Variants in SLC24A2 observed in about 807,000 individuals in gnomAD.
SLC24A2 encodes the protein sodium/potassium/calcium exchanger 2.
SLC24A2 carries 36 observed loss-of-function variants against 62.0 expected under a neutral mutation model. The observed-to-expected ratio is 0.58, with a 90% CI of 0.44 to 0.77. The LOEUF is 0.77. SLC24A2 is among the 30% of genes least tolerant of loss of function. The pLI is 0.00. For synonymous variants in SLC24A2, 358 were observed against 294.0 expected (o/e 1.22, Z -2.23); for missense variants, 846 against 817.9 (o/e 1.03, Z -0.42).
intron 4 of SLC24A2, among the ~76,000 whole-genome samples, chr9:19,616,914 G>T (rs961969669): frequency 6.6e-6 from 1 of 152,154 alleles, no homozygotes; most frequent in Non-Finnish European, 1.5e-5. Context: ...TGGGGGAAAG[G>T]AAAATATTAT....
chr9:20,053,477 C>T, the SLC24A2 span, among the ~76,000 whole-genome samples: 45 of 152,126 alleles, frequency 3.0e-4, no homozygotes, highest in East Asian at 5.8e-4. Flanking sequence ...CTCTGATCTT[C>T]GTTTCTAGTC....
the SLC24A2 span, among the ~76,000 whole-genome samples, chr9:19,948,177 G>T: frequency 6.6e-6 from 1 of 152,204 alleles, no homozygotes; most frequent in Non-Finnish European, 1.5e-5. Context: ...AACTACCACA[G>T]TTCCTTGCAA....
At chr9:19,619,749 T>C (rs2117893203) in intron 3 of SLC24A2, 57 bp from the exon 4 acceptor site, 4 of 1,311,594 alleles carry the variant, frequency 3.0e-6, no homozygotes, top group South Asian at 2.4e-5. Flanking sequence ...AAGTGCATTA[T>C]AGACAAGATC....
the SLC24A2 span, among the ~76,000 whole-genome samples, chr9:19,994,442 A>C: frequency 3.9e-5 from 6 of 152,300 alleles, no homozygotes; most frequent in East Asian, 1.2e-3. Flanking sequence ...TGACTAGAAC[A>C]CTGCCAATTG....
chr9:20,202,866 C>T, the SLC24A2 span, among the ~76,000 whole-genome samples: 1 of 152,086 alleles, frequency 6.6e-6, no homozygotes, highest in South Asian at 2.1e-4. Flanking sequence ...AGGGTTTCCC[C>T]AAAACACTTA....
At chr9:20,016,105 A>G in the SLC24A2 span, among the ~76,000 whole-genome samples, 1 of 152,252 alleles carries the variant, frequency 6.6e-6, no homozygotes, top group Non-Finnish European at 1.5e-5. Flanking sequence ...TTTTTGAACT[A>G]TAAGAGGAAT....
chr9:19,902,598 G>A, the SLC24A2 span, among the ~76,000 whole-genome samples: 1 of 152,100 alleles, frequency 6.6e-6, no homozygotes, highest in African/African-American at 2.4e-5. Flanking sequence ...GGCAGAGTGA[G>A]TGTTCTTTGT....
At chr9:19,790,400 G>C (rs1238338588), upstream of SLC24A2, among the ~76,000 whole-genome samples, 1 of 151,824 alleles carries the variant, frequency 6.6e-6, no homozygotes, top group East Asian at 1.9e-4. Flanking sequence ...GCAAATCCCA[G>C]AGCATCATAT....
chr9:20,069,773 G>A, the SLC24A2 span, among the ~76,000 whole-genome samples: 1 of 152,018 alleles, frequency 6.6e-6, no homozygotes, highest in East Asian at 1.9e-4. Flanking sequence ...CATTATATTT[G>A]TAAGATTCAT....
chr9:19,661,046 G>A lies in SLC24A2; in HGVS notation c.931-38747C>T, dbSNP rs75315155. Among the ~76,000 whole-genome samples, 939 of 152,278 alleles carry A rather than the reference G, an allele frequency of 6.2e-3. 3 individuals carry two copies. The highest frequency in any genetic ancestry group is 0.01 in the Non-Finnish European group (697 of 68,022). ...GCCAGCTAGTGTTGCTGCTACAAGAGCTAGTGTTTGAAATACTTACAGGCC... is the reference window on the plus strand; with the variant it reads ...GCCAGCTAGTGTTGCTGCTACAAGAACTAGTGTTTGAAATACTTACAGGCC... On this transcript the variant is annotated intron_variant, in intron 2 of 10. Coordinates refer to ENST00000341998, the MANE Select transcript of SLC24A2 (RefSeq NM_020344.4).
At chr9:19,910,984 G>T in the SLC24A2 span, among the ~76,000 whole-genome samples, 4 of 150,060 alleles carry the variant, frequency 2.7e-5, no homozygotes, top group South Asian at 6.4e-4. Context: ...AGTTACATAT[G>T]TATACATGTG....
chr9:20,097,106 T>A, the SLC24A2 span, among the ~76,000 whole-genome samples: 2 of 152,208 alleles, frequency 1.3e-5, no homozygotes, highest in African/African-American at 2.4e-5. Flanking sequence ...ATTCCTCCAA[T>A]GTCCACCCTA....
At chr9:20,117,295 TGGA>T in the SLC24A2 span, among the ~76,000 whole-genome samples, 1 of 152,102 alleles carries the variant, frequency 6.6e-6, no homozygotes, top group Non-Finnish European at 1.5e-5. Context: ...AGTTGCAATG[TGGA>T]GGAGGACAGA....
chr9:19,662,149 A>C (rs1006322548), intron 2 of SLC24A2, among the ~76,000 whole-genome samples: 1 of 152,264 alleles, frequency 6.6e-6, no homozygotes, highest in African/African-American at 2.4e-5. Context: ...CCACATTATA[A>C]AAGTAACAAG....
chr9:20,014,824 G>C, the SLC24A2 span, among the ~76,000 whole-genome samples: 5 of 152,046 alleles, frequency 3.3e-5, no homozygotes, highest in Admixed American at 3.3e-4. Context: ...TTGTGCAGTA[G>C]AGTGATTATA....
At chr9:19,909,265 A>T in the SLC24A2 span, among the ~76,000 whole-genome samples, 1 of 151,344 alleles carries the variant, frequency 6.6e-6, no homozygotes. Flanking sequence ...TCTCACTCAT[A>T]GGTGGGAATT....
the SLC24A2 span, among the ~76,000 whole-genome samples, chr9:20,157,290 G>A: frequency 9.3e-5 from 14 of 151,050 alleles, no homozygotes; most frequent in African/African-American, 3.4e-4. Context: ...CACATATTTA[G>A]CATCACCTGA....
chr9:19,978,644 A>G, the SLC24A2 span, among the ~76,000 whole-genome samples: 3 of 152,186 alleles, frequency 2.0e-5, no homozygotes, highest in Non-Finnish European at 4.4e-5. Context: ...ATTGACTCCC[A>G]ACTTTCTTTA....
At chr9:19,590,178 A>G (rs1040671492) in intron 5 of SLC24A2, among the ~76,000 whole-genome samples, 23 of 150,712 alleles carry the variant, frequency 1.5e-4, no homozygotes, top group African/African-American at 5.1e-4. Context: ...ACTAACTTCT[A>G]AAACATTTTC....
Sources: gnomAD v4.1 joint callset for allele counts (sites outside exome capture counted in the v4.1 genomes callset) on GRCh38, gnomAD v4.1.1 for gene constraint, MANE v1.5 for transcripts, NCBI Gene and HGNC (gene_info 2026-07-23, HGNC 2026-07-21) for gene names.